Variants in SKAP2 observed in about 807,000 individuals in gnomAD.
The protein encoded by SKAP2 is src kinase associated phosphoprotein 2.
In SKAP2, 28 loss-of-function variants were observed where a neutral mutation model predicts 54.9. The observed-to-expected ratio is 0.51, with a 90% CI of 0.38 to 0.70. The LOEUF (loss-of-function observed/expected upper bound fraction) is 0.70, where lower values mean the gene tolerates loss of function less well. SKAP2 is among the 30% of genes least tolerant of loss of function. The pLI is 0.00. For missense variants in SKAP2, 356 were observed against 424.1 expected (o/e 0.84, Z 1.41); for synonymous variants, 137 against 134.3 (o/e 1.02, Z -0.14).
At position 26,669,493 on chromosome 7, in the gene SKAP2, T is replaced by G. The variant is rs1786184271; in HGVS notation, c.*173A>C. On this transcript the variant is annotated 3_prime_UTR_variant, in exon 13 of 13. Coordinates refer to ENST00000345317, the MANE Select transcript of SKAP2 (RefSeq NM_003930.5). The stretch of plus-strand genomic sequence containing the variant: ...TCTAATTTACATTAATATCCTTCAT[T>G]TAATTTCACATCAGAGGAATATTTT... The G allele has an allele frequency of 6.6e-6, 1 of 152,170 alleles. No individual in the cohort carries two copies. 9.4% of individuals were successfully genotyped at this position (152,170 alleles called of 1,614,324 possible). A position where few individuals can be genotyped will look rare whatever the true frequency, so the allele number is the denominator to read the frequency against.
At chr7:26,850,285 A>C (rs1785011454) in intron 3 of SKAP2, among the ~76,000 whole-genome samples, 1 of 152,148 alleles carries the variant, frequency 6.6e-6, no homozygotes, top group South Asian at 2.1e-4. Context: ...GTTAGAAACT[A>C]GGTTATTCTG....
At chr7:26,740,388 C>T (rs1169081700) in intron 4 of SKAP2, among the ~76,000 whole-genome samples, 1 of 152,070 alleles carries the variant, frequency 6.6e-6, no homozygotes, top group Non-Finnish European at 1.5e-5. Context: ...ACATAAAATG[C>T]TTTTCCGAAT....
intron 9 of SKAP2, among the ~76,000 whole-genome samples, chr7:26,716,524 G>C (rs1053281898): frequency 1.1e-4 from 17 of 152,210 alleles, no homozygotes; most frequent in African/African-American, 3.6e-4. Context: ...AAGAAGAATA[G>C]TGCTAGACTT....
chr7:26,820,683 T>C (rs577443965), intron 4 of SKAP2, among the ~76,000 whole-genome samples: 3 of 152,126 alleles, frequency 2.0e-5, no homozygotes, highest in Non-Finnish European at 4.4e-5. Context: ...GCCTGCCATA[T>C]TTATTAGCAA....
intron 3 of SKAP2, among the ~76,000 whole-genome samples, chr7:26,850,229 G>A (rs943765056): frequency 1.8e-4 from 27 of 152,102 alleles, no homozygotes; most frequent in African/African-American, 6.5e-4. Context: ...CTAAATTCGG[G>A]AGGATACTTT....
chr7:26,814,165 G>A (rs1160925425), intron 4 of SKAP2, among the ~76,000 whole-genome samples: 1 of 152,174 alleles, frequency 6.6e-6, no homozygotes, highest in African/African-American at 2.4e-5. Context: ...AATCTCTAAT[G>A]TAGGAAACTG....
chr7:26,808,021 C>T (rs1460558382), intron 4 of SKAP2, among the ~76,000 whole-genome samples: 1 of 152,042 alleles, frequency 6.6e-6, no homozygotes, highest in African/African-American at 2.4e-5. Flanking sequence ...TGCTTTATTG[C>T]AATATTCATT....
Position 26,684,815 on chromosome 7 carries a change from T to G in SKAP2, c.908A>C (p.Gln303Pro), listed in dbSNP as rs767510572. 1 of 1,612,234 alleles carries G rather than the reference T, an allele frequency of 6.2e-7. No homozygotes were observed. Among genetic ancestry groups the G allele is most frequent in the Admixed American group, 1.7e-5 (1 of 59,978 alleles). ...AGCTCCAGTACAATCCCACAATCCC[T>G]GGTAAAAATTAGCATAATCAGTGCT... Reference protein sequence around the residue: ...DKSTDYANFYQGLWDCTGAFS... With the variant: ...DKSTDYANFYPGLWDCTGAFS... Residue 303 changes from glutamine to proline, a missense_variant, in exon 11 of 13, where the codon CAG (glutamine) becomes CCG (proline). Physicochemically the swap from Gln to Pro is moderately conservative, Grantham distance 76. Transcript: ENST00000345317.
At chr7:26,758,871 C>T (rs1368888434) in intron 4 of SKAP2, among the ~76,000 whole-genome samples, 1 of 152,126 alleles carries the variant, frequency 6.6e-6, no homozygotes, top group Non-Finnish European at 1.5e-5. Context: ...GAAACATAGC[C>T]AAAGGCTTCA....
At chr7:26,745,027 T>G (rs1465440905) in intron 4 of SKAP2, among the ~76,000 whole-genome samples, 2 of 152,190 alleles carry the variant, frequency 1.3e-5, no homozygotes, top group Admixed American at 1.3e-4. Context: ...CACACTTTTT[T>G]GGTTGTTTAA....
chr7:26,757,771 C>T (rs1266205543), intron 4 of SKAP2, among the ~76,000 whole-genome samples: 1 of 152,028 alleles, frequency 6.6e-6, no homozygotes, highest in African/African-American at 2.4e-5. Context: ...GCCAGTATGG[C>T]CATTTTTTGA....
At chr7:26,713,912 T>C (rs966479483) in intron 9 of SKAP2, among the ~76,000 whole-genome samples, 1 of 152,316 alleles carries the variant, frequency 6.6e-6, no homozygotes, top group East Asian at 1.9e-4. Flanking sequence ...GATGCTTATT[T>C]GTAAATATAA....
chr7:26,739,807 G>T, intron 5 of SKAP2, 80 bp downstream of exon 5: 1 of 952,354 alleles, frequency 1.1e-6, no homozygotes, highest in Non-Finnish European at 1.6e-6. Flanking sequence ...AACGAATACT[G>T]CCTCCACATG....
intron 4 of SKAP2, among the ~76,000 whole-genome samples, chr7:26,823,110 T>A (rs1048498933): frequency 3.3e-5 from 5 of 151,722 alleles, no homozygotes; most frequent in African/African-American, 1.2e-4. Flanking sequence ...GCTACTCCAG[T>A]GAACACACAA....
intron 4 of SKAP2, among the ~76,000 whole-genome samples, chr7:26,775,127 A>G (rs1279165407): frequency 1.3e-5 from 2 of 152,148 alleles, no homozygotes; most frequent in African/African-American, 4.8e-5. Flanking sequence ...CGCTTTTCTC[A>G]TAAACATATA....
At chr7:26,813,968 G>A (rs1055367240) in intron 4 of SKAP2, among the ~76,000 whole-genome samples, 1 of 152,150 alleles carries the variant, frequency 6.6e-6, no homozygotes, top group Non-Finnish European at 1.5e-5. Context: ...GGCGTTTCTT[G>A]ATATTAGGAG....
intron 9 of SKAP2, among the ~76,000 whole-genome samples, chr7:26,705,107 T>C (rs1013138945): frequency 6.6e-6 from 1 of 152,196 alleles, no homozygotes; most frequent in Non-Finnish European, 1.5e-5. Context: ...GCCTAGGGTC[T>C]AGGCAGTGCC....
intron 3 of SKAP2, among the ~76,000 whole-genome samples, chr7:26,847,673 T>C (rs564901967): frequency 2.6e-5 from 4 of 152,322 alleles, no homozygotes; most frequent in Admixed American, 6.5e-5. Context: ...GAATCATTAG[T>C]TGGCAGCCAT....
chr7:26,798,814 T>G (rs192022103), intron 4 of SKAP2, among the ~76,000 whole-genome samples: 1 of 152,346 alleles, frequency 6.6e-6, no homozygotes, highest in East Asian at 1.9e-4. Flanking sequence ...TGCTTGGTTG[T>G]TTGCTTATTC....
Sources: gnomAD v4.1 joint callset for allele counts (sites outside exome capture counted in the v4.1 genomes callset) on GRCh38, gnomAD v4.1.1 for gene constraint, MANE v1.5 for transcripts, NCBI Gene and HGNC (gene_info 2026-07-23, HGNC 2026-07-21) for gene names.